The following NANOS1 variants were observed in gnomAD, a reference collection of about 807,000 sequenced individuals.
NANOS1 encodes nanos C2HC-type zinc finger 1.
NANOS1 carries 1 observed loss-of-function variant against 1.1 expected under a neutral mutation model. The ratio of observed to expected loss-of-function variants is 0.88; its 90% CI spans 0.31 to 4.20. The LOEUF is 4.20. Among genes scored for constraint, NANOS1 ranks in the 30% most tolerant of loss-of-function variants. The pLI is 0.17. For missense variants in NANOS1, 537 were observed against 457.9 expected, an observed-to-expected ratio of 1.17 and a Z score of -1.58; for synonymous variants, 252 against 230.6, an observed-to-expected ratio of 1.09 and a Z score of -0.84.
At position 119,029,719 on chromosome 10, in the gene NANOS1, A is replaced by T; in HGVS notation, c.-83A>T. 3 of 695,188 alleles carry T rather than the reference A, an allele frequency of 4.3e-6. No individual in the cohort carries two copies. Among genetic ancestry groups the T allele is most frequent in the Non-Finnish European group, 5.3e-6 (3 of 568,164 alleles). 43.1% of individuals were successfully genotyped at this position (695,188 alleles called of 1,614,324 possible). A position where few individuals can be genotyped will look rare whatever the true frequency, so the allele number is the denominator to read the frequency against. ...CGGCGCGGCGGCCCCACCCCGCGGC[A>T]GGCCGGCGGGCAGGCTCGGCGTGTC... is the stretch of plus-strand genomic sequence containing the variant. On this transcript the variant is annotated 5_prime_UTR_variant, in exon 1 of 1. Transcript: ENST00000425699.
At position 119,031,581 on chromosome 10, in the gene NANOS1, T is replaced by C. The variant is rs1321444041; in HGVS notation, c.*901T>C. 6.0e-6 allele frequency: 1 copy of C among 166,882 alleles called. No individual in the cohort carries two copies. Among genetic ancestry groups the C allele is most frequent in the African/African-American group, 2.4e-5 (1 of 41,434 alleles). 10.3% of individuals were successfully genotyped at this position (166,882 alleles called of 1,614,324 possible). On this transcript the variant is annotated 3_prime_UTR_variant, in exon 1 of 1. Transcript: ENST00000425699. ...TACACACTCACCCTCTTCCAGTTCT[T>C]TAAAAACGTTTATGATATTAAGATC...
At position 119,030,653 on chromosome 10, in the gene NANOS1, C is replaced by T. The variant is rs751719746; in HGVS notation, c.852C>T (p.Asp284=). 2.1e-6 allele frequency: 3 copies of T among 1,396,104 alleles called. No homozygotes were observed. Among genetic ancestry groups the T allele is most frequent in the South Asian group, 1.7e-5 (1 of 57,502 alleles). The allele number at this position is 1,396,104 out of a possible 1,614,324, so 86.5% of individuals were successfully genotyped here. A position where few individuals can be genotyped will look rare whatever the true frequency, so the allele number is the denominator to read the frequency against. The part of the protein sequence containing the change: ...PARPPPRSAR[D]GPPGKKLR ...GCCCGCCGCCCCGCAGCGCCAGGGA[C>T]GGCCCGCCTGGCAAGAAGCTGCGCT... is the stretch of plus-strand genomic sequence containing the variant. The change falls in exon 1 of 1, where the codon GAC becomes GAT. Residue 284 remains aspartate (D), a synonymous_variant. Transcript: ENST00000425699. This position sits in a 1 kb window ranked among gnomAD's most constrained non-coding sequence, Gnocchi z 5.3.
Position 119,030,854 on chromosome 10 carries a change from C to G in NANOS1, c.*174C>G. 1.1e-6 allele frequency: 1 copy of G among 894,462 alleles called. No homozygotes were observed. 55.4% of individuals were successfully genotyped at this position (894,462 alleles called of 1,614,324 possible). On this transcript the variant is annotated 3_prime_UTR_variant, in exon 1 of 1. Coordinates refer to ENST00000425699, the MANE Select transcript of NANOS1 (RefSeq NM_199461.4). This position sits in a 1 kb window ranked among gnomAD's most constrained non-coding sequence, Gnocchi z 5.3. ...CCGTGTGGAGTACTTCCGTGCTGAACGATTGGGACTAGACGCTGAAATCCC... is the reference window on the plus strand; with the variant it reads ...CCGTGTGGAGTACTTCCGTGCTGAAGGATTGGGACTAGACGCTGAAATCCC...
chr10:119,029,797 C>T lies in NANOS1; in HGVS notation c.-5C>T, dbSNP rs1360573274. On this transcript the variant is annotated 5_prime_UTR_variant, in exon 1 of 1. Coordinates refer to ENST00000425699, the MANE Select transcript of NANOS1 (RefSeq NM_199461.4). ...GGGAGGCGGCGCGCGGCCCGCAGCC[C>T]GCCCATGGAGGCTTTCCCCTGGGCG... The T allele has an allele frequency of 1.9e-6, 2 of 1,057,474 alleles. No individual in the cohort carries two copies. The highest frequency in any genetic ancestry group is 5.5e-5 in the Admixed American group (1 of 18,080). 65.5% of individuals were successfully genotyped at this position (1,057,474 alleles called of 1,614,324 possible). A position where few individuals can be genotyped will look rare whatever the true frequency, so the allele number is the denominator to read the frequency against.
chr10:119,030,067 C>A lies in NANOS1; in HGVS notation c.266C>A (p.Thr89Lys), dbSNP rs1004498369. 3.8e-6 allele frequency: 5 copies of A among 1,323,712 alleles called. No homozygotes were observed. The Admixed American group carries it at 1.5e-4, about 41-fold the overall frequency. 82.0% of individuals were successfully genotyped at this position (1,323,712 alleles called of 1,614,324 possible). ...TCGTCGTCCTGCTGCTCCCCCCACACGGGGGCCGGGCCTGGGGCGCTGGGG... is the reference window on the plus strand; with the variant it reads ...TCGTCGTCCTGCTGCTCCCCCCACAAGGGGGCCGGGCCTGGGGCGCTGGGG... ...SSSSSCCSPH[T>K]GAGPGALGPA... is the part of the protein sequence containing the mutation. Residue 89 changes from threonine to lysine, a missense_variant, in exon 1 of 1, where the codon ACG becomes AAG. Thr to Lys is a moderately conservative substitution (Grantham distance 78, BLOSUM62 -1). Coordinates refer to ENST00000425699, the MANE Select transcript of NANOS1 (RefSeq NM_199461.4). This position sits in a 1 kb window ranked among gnomAD's most constrained non-coding sequence, Gnocchi z 5.3.
Position 119,031,709 on chromosome 10 carries a change from A to G in NANOS1, c.*1029A>G, listed in dbSNP as rs1848052686. ...ATTCCAGCTGTTGCCTGTCAAACAAATAGAAGATGGATCTCTAGCTCTGAG... is the reference window on the plus strand; with the variant it reads ...ATTCCAGCTGTTGCCTGTCAAACAAGTAGAAGATGGATCTCTAGCTCTGAG... On this transcript the variant is annotated 3_prime_UTR_variant, in exon 1 of 1. Coordinates refer to ENST00000425699, the MANE Select transcript of NANOS1 (RefSeq NM_199461.4). 6.0e-6 allele frequency: 1 copy of G among 167,036 alleles called. No homozygotes were observed. The highest frequency in any genetic ancestry group is 2.1e-4 in the South Asian group (1 of 4,832). The allele number at this position is 167,036 out of a possible 1,614,324, so 10.3% of individuals were successfully genotyped here. A position where few individuals can be genotyped will look rare whatever the true frequency, so the allele number is the denominator to read the frequency against.
rs1454590780 is a variant in NANOS1 at position 119,029,749 on chromosome 10, C to A, written c.-53C>A. On this transcript the variant is annotated 5_prime_UTR_variant, in exon 1 of 1. Coordinates refer to ENST00000425699, the MANE Select transcript of NANOS1 (RefSeq NM_199461.4). ...GGCGGGCAGGCTCGGCGTGTCCCTT[C>A]CGTCCGGCCCGCGCCGGCGGCGGGG... 5 of 952,050 alleles carry A rather than the reference C, an allele frequency of 5.3e-6. No homozygotes were observed. The highest frequency in any genetic ancestry group is 6.2e-6 in the Non-Finnish European group (5 of 802,402). 59.0% of individuals were successfully genotyped at this position (952,050 alleles called of 1,614,324 possible).
In NANOS1 at chr10:119,030,626, C is replaced by G. The variant is rs758440597; in HGVS notation, c.825C>G (p.Ala275=). The G allele has an allele frequency of 2.8e-6, 4 of 1,453,108 alleles. No individual in the cohort carries two copies. Among genetic ancestry groups the G allele is most frequent in the Admixed American group, 2.3e-5 (1 of 43,802 alleles). 90.0% of individuals were successfully genotyped at this position (1,453,108 alleles called of 1,614,324 possible). Residue 275 remains alanine (A), a synonymous_variant, in exon 1 of 1, where the codon GCC becomes GCG. Transcript: ENST00000425699. The surrounding 1 kb of genome is among the most constrained non-coding windows in gnomAD (Gnocchi z 5.3). The stretch of plus-strand genomic sequence containing the variant: ...TCTCCAAAGTGCCGCCGCCGCCCGC[C>G]CGCCCGCCGCCCCGCAGCGCCAGGG... ...CPLSKVPPPP[A]RPPPRSARDG... is the part of the protein sequence containing the mutation.
Position 119,030,376 on chromosome 10 carries a change from A to T in NANOS1, c.575A>T (p.Glu192Val). Residue 192 changes from glutamate to valine, a missense_variant, in exon 1 of 1, where the codon GAG becomes GTG. By Grantham distance (121) the Glu-to-Val change is moderately radical. Coordinates refer to ENST00000425699, the MANE Select transcript of NANOS1 (RefSeq NM_199461.4). This position sits in a 1 kb window ranked among gnomAD's most constrained non-coding sequence, Gnocchi z 5.3. Reference sequence around the variant, plus strand: ...GAGCGGGCCCCGGCGTGGGCGGCCGAGCCCCGGCTGCACGCGGCCTCCGGG... The same window carrying T: ...GAGCGGGCCCCGGCGTGGGCGGCCGTGCCCCGGCTGCACGCGGCCTCCGGG... Reference protein sequence around the residue: ...REERAPAWAAEPRLHAASGAA... With the variant: ...REERAPAWAAVPRLHAASGAA... The T allele has an allele frequency of 1.0e-6, 1 of 988,154 alleles. No homozygotes were observed. Among genetic ancestry groups the T allele is most frequent in the Middle Eastern group, 4.6e-4 (1 of 2,194 alleles). The allele number at this position is 988,154 out of a possible 1,614,324, so 61.2% of individuals were successfully genotyped here.
In NANOS1 at chr10:119,029,851, C is replaced by T. The variant is rs868509930; in HGVS notation, c.50C>T (p.Pro17Leu). ...CGCTCGCCCCGCCGCGGCCGCGCCC[C>T]CCCGCCCATGGCGCTCGTGCCCAGC... Reference protein sequence around the residue: ...APRSPRRGRAPPPMALVPSAR... With the variant: ...APRSPRRGRALPPMALVPSAR... Residue 17 changes from proline to leucine, a missense_variant, in exon 1 of 1, where the codon CCC (proline) becomes CTC (leucine). Transcript: ENST00000425699. The T allele has an allele frequency of 8.1e-6, 10 of 1,227,866 alleles. No individual in the cohort carries two copies. Among genetic ancestry groups the T allele is most frequent in the Non-Finnish European group, 1.0e-5 (10 of 989,378 alleles). The allele number at this position is 1,227,866 out of a possible 1,614,324, so 76.1% of individuals were successfully genotyped here.
chr10:119,029,826 C>T lies in NANOS1; in HGVS notation c.25C>T (p.Arg9Cys), dbSNP rs1268110763. The T allele has an allele frequency of 3.4e-6, 4 of 1,171,930 alleles. No individual in the cohort carries two copies. The highest frequency in any genetic ancestry group is 4.2e-6 in the Non-Finnish European group (4 of 954,242). The allele number at this position is 1,171,930 out of a possible 1,614,324, so 72.6% of individuals were successfully genotyped here. Reference protein sequence around the residue: MEAFPWAPRSPRRGRAPPP... With the variant: MEAFPWAPCSPRRGRAPPP... ...CATGGAGGCTTTCCCCTGGGCGCCC[C>T]GCTCGCCCCGCCGCGGCCGCGCCCC... Residue 9 changes from arginine to cysteine, a missense_variant, in exon 1 of 1, where the codon CGC becomes TGC. Physicochemically the swap from Arg to Cys is radical, Grantham distance 180. Coordinates refer to ENST00000425699, the MANE Select transcript of NANOS1 (RefSeq NM_199461.4).
In NANOS1 at chr10:119,030,300, C is replaced by CCCG. The variant is rs538539239; in HGVS notation, c.517_519dup (p.Ala173dup). On this transcript the variant is annotated inframe_insertion, in exon 1 of 1. Coordinates refer to ENST00000425699, the MANE Select transcript of NANOS1 (RefSeq NM_199461.4). The surrounding 1 kb of genome is among the most constrained non-coding windows in gnomAD (Gnocchi z 5.3). ...CGCCGCCGTGCTGCTGGGCTGCGCG[C>CCCG]CCGCCGCCGCCGCCGCCGCCACCAC... The CCCG allele has an allele frequency of 1.8e-3, 2,093 of 1,154,178 alleles. 6 individuals carry two copies. The highest frequency in any genetic ancestry group is 0.017 in the East Asian group (409 of 24,030). The allele number at this position is 1,154,178 out of a possible 1,614,324, so 71.5% of individuals were successfully genotyped here. A position where few individuals can be genotyped will look rare whatever the true frequency, so the allele number is the denominator to read the frequency against.
chr10:119,032,293 GAAAGA>G lies in NANOS1; in HGVS notation c.*1618_*1622del, dbSNP rs939263023. ...AATACCCGATAGCTGTCTTTTTGGT[GAAAGA>G]AAAGGTGCATTTCAAGAACTTGGGG... On this transcript the variant is annotated 3_prime_UTR_variant, in exon 1 of 1. Transcript: ENST00000425699. The G allele has an allele frequency of 1.8e-5, 3 of 166,994 alleles. No homozygotes were observed. The highest frequency in any genetic ancestry group is 7.2e-5 in the African/African-American group (3 of 41,454). The allele number at this position is 166,994 out of a possible 1,614,324, so 10.3% of individuals were successfully genotyped here.
In NANOS1 at chr10:119,030,070, G is replaced by T. The variant is rs1848018991; in HGVS notation, c.269G>T (p.Gly90Val). 1 of 1,322,374 alleles carries T rather than the reference G, an allele frequency of 7.6e-7. No individual in the cohort carries two copies. Among genetic ancestry groups the T allele is most frequent in the Non-Finnish European group, 9.6e-7 (1 of 1,039,294 alleles). The allele number at this position is 1,322,374 out of a possible 1,614,324, so 81.9% of individuals were successfully genotyped here. A position where few individuals can be genotyped will look rare whatever the true frequency, so the allele number is the denominator to read the frequency against. Residue 90 changes from glycine (G) to valine (V), a missense_variant, in exon 1 of 1, where the codon GGG becomes GTG. Coordinates refer to ENST00000425699, the MANE Select transcript of NANOS1 (RefSeq NM_199461.4). The surrounding 1 kb of genome is among the most constrained non-coding windows in gnomAD (Gnocchi z 5.3). ...TCGTCCTGCTGCTCCCCCCACACGG[G>T]GGCCGGGCCTGGGGCGCTGGGGCCG... is the stretch of plus-strand genomic sequence containing the variant. ...SSSSCCSPHT[G>V]AGPGALGPAL...
rs1366098242 is a variant in NANOS1 at position 119,032,551 on chromosome 10, CCT to C, written c.*1877_*1878del. Reference sequence around the variant, plus strand: ...TCTAAGGTCAACATGAATCCTCTTACCTCTCTCACTGCTCGTGTTCTGCCTTT... The same window carrying C: ...TCTAAGGTCAACATGAATCCTCTTACCTCTCACTGCTCGTGTTCTGCCTTT... On this transcript the variant is annotated 3_prime_UTR_variant, in exon 1 of 1. Coordinates refer to ENST00000425699, the MANE Select transcript of NANOS1 (RefSeq NM_199461.4). 6.0e-6 allele frequency: 1 copy of C among 167,102 alleles called. No homozygotes were observed. Among genetic ancestry groups the C allele is most frequent in the African/African-American group, 2.4e-5 (1 of 41,458 alleles). 10.4% of individuals were successfully genotyped at this position (167,102 alleles called of 1,614,324 possible).
rs1406441911 is a variant in NANOS1, at chr10:119,029,986, G to C, written c.185G>C (p.Arg62Pro). The C allele has an allele frequency of 4.2e-6, 6 of 1,417,488 alleles. No individual in the cohort carries two copies. The highest frequency in any genetic ancestry group is 5.5e-6 in the Non-Finnish European group (6 of 1,086,152). The allele number at this position is 1,417,488 out of a possible 1,614,324, so 87.8% of individuals were successfully genotyped here. A position where few individuals can be genotyped will look rare whatever the true frequency, so the allele number is the denominator to read the frequency against. The change falls in exon 1 of 1, where the codon CGC becomes CCC. Residue 62 changes from arginine (R) to proline (P), a missense_variant. Arg to Pro is a moderately radical substitution (Grantham distance 103, BLOSUM62 -2). Transcript: ENST00000425699. ...ACCAAAGCGGTGGACGGCGAGCCGC[G>C]CTTCGGCTGCGCCCGCGGTGGGAAC... ...LITKAVDGEP[R>P]FGCARGGNGG...
In NANOS1 at chr10:119,029,902, C is replaced by T. The variant is rs1848015009; in HGVS notation, c.101C>T (p.Pro34Leu). 1.4e-6 allele frequency: 2 copies of T among 1,388,534 alleles called. No homozygotes were observed. Among genetic ancestry groups the T allele is most frequent in the Admixed American group, 2.6e-5 (1 of 37,820 alleles). 86.0% of individuals were successfully genotyped at this position (1,388,534 alleles called of 1,614,324 possible). Residue 34 changes from proline to leucine, a missense_variant, in exon 1 of 1, where the codon CCG (proline) becomes CTG (leucine). By Grantham distance (98) the Pro-to-Leu change is moderately conservative. Transcript: ENST00000425699. ...GCCCGCTACGTGAGCGCCCCGGGCC[C>T]GGCGCACCCGCAGCCCTTCAGCTCC... The part of the protein sequence containing the change: ...PSARYVSAPG[P>L]AHPQPFSSWN...
chr10:119,030,983 A>T lies in NANOS1; in HGVS notation c.*303A>T. The T allele has an allele frequency of 3.2e-6, 1 of 310,120 alleles. No homozygotes were observed. Among genetic ancestry groups the T allele is most frequent in the Non-Finnish European group, 6.2e-6 (1 of 161,558 alleles). 19.2% of individuals were successfully genotyped at this position (310,120 alleles called of 1,614,324 possible). ...CTTAGAGGCGCTGTTTATTTACTGTATACGTCGACCTATTTTAGATGCGCA... is the reference window on the plus strand; with the variant it reads ...CTTAGAGGCGCTGTTTATTTACTGTTTACGTCGACCTATTTTAGATGCGCA... On this transcript the variant is annotated 3_prime_UTR_variant, in exon 1 of 1. Coordinates refer to ENST00000425699, the MANE Select transcript of NANOS1 (RefSeq NM_199461.4). The surrounding 1 kb of genome is among the most constrained non-coding windows in gnomAD (Gnocchi z 5.3).
At position 119,029,731 on chromosome 10, in the gene NANOS1, A is replaced by T; in HGVS notation, c.-71A>T. The T allele has an allele frequency of 1.2e-6, 1 of 821,362 alleles. No homozygotes were observed. Among genetic ancestry groups the T allele is most frequent in the South Asian group, 5.5e-5 (1 of 18,104 alleles). 50.9% of individuals were successfully genotyped at this position (821,362 alleles called of 1,614,324 possible). On this transcript the variant is annotated 5_prime_UTR_variant, in exon 1 of 1. Coordinates refer to ENST00000425699, the MANE Select transcript of NANOS1 (RefSeq NM_199461.4). ...CCCACCCCGCGGCAGGCCGGCGGGC[A>T]GGCTCGGCGTGTCCCTTCCGTCCGG...
Sources: gnomAD v4.1 joint callset for allele counts on GRCh38, gnomAD v4.1.1 for gene constraint, Gnocchi (gnomAD v3.1) non-coding constraint, MANE v1.5 for transcripts, NCBI Gene and HGNC (gene_info 2026-07-23, HGNC 2026-07-21) for gene names.